Variants in TMEM131 observed in about 807,000 individuals in gnomAD.
TMEM131 encodes 2610524E03Rik.
Under a neutral mutation model 211.6 loss-of-function variants are expected in TMEM131, and 66 were observed. The observed-to-expected ratio is 0.31, with a 90% CI of 0.26 to 0.38. The LOEUF (loss-of-function observed/expected upper bound fraction) is 0.38. Ranked by LOEUF, TMEM131 falls within the 10% of genes least tolerant of loss-of-function variation. The pLI is 1.00. For synonymous variants in TMEM131, 844 were observed against 841.3 expected (o/e 1.00, Z -0.06); for missense variants, 2,036 against 2,299.3 (o/e 0.89, Z 2.34).
chr2:97,935,916 G>C (rs1269027925), intron 1 of TMEM131, among the ~76,000 whole-genome samples: 2 of 152,170 alleles, frequency 1.3e-5, no homozygotes, highest in East Asian at 3.8e-4. Flanking sequence ...CTTCTCTCCA[G>C]CTCTGTGACA....
At chr2:97,793,602 C>T (rs1680606447) in intron 29 of TMEM131, 49 bp from the exon 30 acceptor site, 1 of 1,529,482 alleles carries the variant, frequency 6.5e-7, no homozygotes, top group Admixed American at 2.1e-5. Flanking sequence ...TGTTAGTAGA[C>T]AAGCAACAAA....
chr2:97,761,745 G>A (rs1449929081), intron 36 of TMEM131: 7 of 308,278 alleles, frequency 2.3e-5, no homozygotes, highest in Non-Finnish European at 4.2e-5. Flanking sequence ...CTTAGTAAAT[G>A]TTCATTGGCT....
chr2:97,761,151 C>T, intron 36 of TMEM131: 1 of 458,486 alleles, frequency 2.2e-6, no homozygotes, highest in South Asian at 3.2e-5. Flanking sequence ...GAGACCAGGG[C>T]AGGGATCACA....
chr2:97,903,265 T>TAGACCTAACTA (rs1299309963), intron 3 of TMEM131, among the ~76,000 whole-genome samples: 3 of 152,072 alleles, frequency 2.0e-5, no homozygotes, highest in Non-Finnish European at 4.4e-5. Flanking sequence ...TGACACAGAA[T>TAGACCTAACTA]AGACCTAACT....
At chr2:97,964,671 C>G (rs926913258) in intron 1 of TMEM131, among the ~76,000 whole-genome samples, 13 of 152,166 alleles carry the variant, frequency 8.5e-5, no homozygotes, top group Admixed American at 2.6e-4. Flanking sequence ...AGAAATAACC[C>G]AAGTAAAATG....
At chr2:97,833,271 T>C (rs890188716) in intron 11 of TMEM131, 94 bp downstream of exon 11, 46 of 645,672 alleles carry the variant, frequency 7.1e-5, no homozygotes, top group Non-Finnish European at 1.1e-4. Flanking sequence ...CAAATATAAT[T>C]ATTTTAGAAT....
At chr2:97,795,415 C>T (rs1164682866) in intron 28 of TMEM131, among the ~76,000 whole-genome samples, 5 of 152,156 alleles carry the variant, frequency 3.3e-5, no homozygotes, top group African/African-American at 1.2e-4. Context: ...TCTTCTTTAT[C>T]TAAATCCATG....
At chr2:97,849,326 T>C (rs1559399565) in intron 5 of TMEM131, among the ~76,000 whole-genome samples, 1 of 152,320 alleles carries the variant, frequency 6.6e-6, no homozygotes, top group East Asian at 1.9e-4. Context: ...CTTCAACTAG[T>C]GAATGAATAA....
At chr2:97,994,095 T>C (rs1011517260) in intron 1 of TMEM131, among the ~76,000 whole-genome samples, 2 of 152,172 alleles carry the variant, frequency 1.3e-5, no homozygotes, top group Non-Finnish European at 2.9e-5. Flanking sequence ...ACCCAAAAAA[T>C]GTCCATTAAA....
At chr2:97,808,769 G>A (rs1013221348) in intron 19 of TMEM131, among the ~76,000 whole-genome samples, 4 of 152,150 alleles carry the variant, frequency 2.6e-5, no homozygotes, top group African/African-American at 9.7e-5. Flanking sequence ...GCAGCAAGAG[G>A]GGTAATTTCA....
intron 4 of TMEM131, among the ~76,000 whole-genome samples, chr2:97,878,648 G>A (rs1182384334): frequency 1.3e-5 from 2 of 152,258 alleles, no homozygotes; most frequent in East Asian, 3.9e-4. Flanking sequence ...GTTGAACAAT[G>A]AGAACACATG....
chr2:97,873,522 C>G (rs1222345981), intron 4 of TMEM131, among the ~76,000 whole-genome samples: 1 of 152,242 alleles, frequency 6.6e-6, no homozygotes, highest in Non-Finnish European at 1.5e-5. Context: ...TTGGCAGGTG[C>G]CCCTCTGGGA....
intron 36 of TMEM131, chr2:97,761,729 G>A: frequency 3.8e-6 from 1 of 266,046 alleles, no homozygotes. Flanking sequence ...AGGTCTTCAT[G>A]TAAGGCTTAG....
At chr2:97,762,560 T>G (rs1295416624) in intron 35 of TMEM131, 1 of 231,500 alleles carries the variant, frequency 4.3e-6, no homozygotes, top group East Asian at 1.5e-4. Flanking sequence ...TACACGCAGG[T>G]TTACAGCTGT....
At chr2:97,881,816 T>A (rs1358133492) in intron 4 of TMEM131, among the ~76,000 whole-genome samples, 1 of 151,878 alleles carries the variant, frequency 6.6e-6, no homozygotes, top group Non-Finnish European at 1.5e-5. Flanking sequence ...CTTTTTTCAC[T>A]TAATAACATT....
At chr2:97,986,682 C>G (rs1680042038) in intron 1 of TMEM131, among the ~76,000 whole-genome samples, 1 of 152,140 alleles carries the variant, frequency 6.6e-6, no homozygotes, top group South Asian at 2.1e-4. Context: ...ACTGCTGCAC[C>G]CATTCTGAAA....
At chr2:97,834,965 A>C in intron 8 of TMEM131, 40 bp from the exon 9 acceptor site, 1 of 1,607,244 alleles carries the variant, frequency 6.2e-7, no homozygotes, top group Non-Finnish European at 8.5e-7. Flanking sequence ...CAGCTTTTGT[A>C]ATGTAGCAAA....
At chr2:97,917,763 C>G (rs1676568102) in intron 2 of TMEM131, among the ~76,000 whole-genome samples, 1 of 152,090 alleles carries the variant, frequency 6.6e-6, no homozygotes, top group Non-Finnish European at 1.5e-5. Flanking sequence ...GTAACCGCCG[C>G]CATGATTCAA....
chr2:97,894,895 T>C (rs1415047370), intron 3 of TMEM131, among the ~76,000 whole-genome samples: 4 of 152,198 alleles, frequency 2.6e-5, no homozygotes, highest in Non-Finnish European at 5.9e-5. Flanking sequence ...TGGCCAGAAC[T>C]TCCAATACTG....
Sources: gnomAD v4.1 joint callset for allele counts (sites outside exome capture counted in the v4.1 genomes callset) on GRCh38, gnomAD v4.1.1 for gene constraint, MANE v1.5 for transcripts, NCBI Gene and HGNC (gene_info 2026-07-23, HGNC 2026-07-21) for gene names.